Variants in SCNN1B observed in about 807,000 individuals in gnomAD.
The protein encoded by SCNN1B is epithelial sodium channel subunit beta.
Under a neutral mutation model 65.3 loss-of-function variants are expected in SCNN1B, and 46 were observed. The observed-to-expected ratio is 0.70, with a 90% CI of 0.56 to 0.90. The LOEUF (loss-of-function observed/expected upper bound fraction) is 0.90. Ranked by LOEUF, SCNN1B falls within the 40% of genes least tolerant of loss-of-function variation. SCNN1B has a pLI of 0.00. For missense variants in SCNN1B, 751 were observed against 830.5 expected, an observed-to-expected ratio of 0.90 and a Z score of 1.18; for synonymous variants, 349 against 330.6, an observed-to-expected ratio of 1.06 and a Z score of -0.60.
intron 1 of SCNN1B, among the ~76,000 whole-genome samples, chr16:23,331,068 A>G (rs1382538313): frequency 6.6e-6 from 1 of 152,162 alleles, no homozygotes; most frequent in Non-Finnish European, 1.5e-5. Context: ...TTCATCTTCC[A>G]TCTCAGGACC....
At chr16:23,349,593 C>T (rs963221020) in intron 2 of SCNN1B, among the ~76,000 whole-genome samples, 8 of 152,112 alleles carry the variant, frequency 5.3e-5, no homozygotes, top group Admixed American at 5.2e-4. Flanking sequence ...GAACCTTGGG[C>T]ACCCTCTGTC....
intron 8 of SCNN1B, among the ~76,000 whole-genome samples, chr16:23,376,357 TG>T (rs1962895393): frequency 6.6e-6 from 1 of 151,936 alleles, no homozygotes; most frequent in Non-Finnish European, 1.5e-5. Flanking sequence ...TGTGTGTGTG[TG>T]TGTGTGTGTG....
chr16:23,344,723 G>A (rs940172888), intron 1 of SCNN1B, among the ~76,000 whole-genome samples: 5 of 152,188 alleles, frequency 3.3e-5, no homozygotes, highest in African/African-American at 1.2e-4. Flanking sequence ...GTGGGGTGCA[G>A]TGGCTCACAC....
intron 1 of SCNN1B, among the ~76,000 whole-genome samples, chr16:23,330,173 C>G (rs7186870): frequency 0.07 from 10,608 of 152,228 alleles, 1,244 homozygotes; most frequent in African/African-American, 0.24. Context: ...GGAAAAGTCA[C>G]TTCTTTGTGT....
chr16:23,317,593 C>T (rs534933700), intron 1 of SCNN1B, among the ~76,000 whole-genome samples: 3 of 152,300 alleles, frequency 2.0e-5, no homozygotes, highest in Non-Finnish European at 2.9e-5. Context: ...GATCCTTTTC[C>T]AGGCTGCACG....
chr16:23,287,680 G>C (rs977406310), intron 2 of SCNN1B, among the ~76,000 whole-genome samples: 1 of 152,134 alleles, frequency 6.6e-6, no homozygotes, highest in East Asian at 1.9e-4. Context: ...GGAGGTTGAG[G>C]CTCCAGTGAG....
intron 1 of SCNN1B, among the ~76,000 whole-genome samples, chr16:23,332,125 C>A (rs949579740): frequency 6.6e-6 from 1 of 152,202 alleles, no homozygotes; most frequent in African/African-American, 2.4e-5. Context: ...ACCTCCTGGG[C>A]TCAAATGATT....
upstream of SCNN1B, among the ~76,000 whole-genome samples, chr16:23,298,462 A>T (rs1961027975): frequency 6.6e-6 from 1 of 152,180 alleles, no homozygotes; most frequent in Non-Finnish European, 1.5e-5. Context: ...GGGGCAGGTT[A>T]TTCAGAGATA....
In SCNN1B at chr16:23,367,943, C is replaced by G. The variant is rs781285644; in HGVS notation, c.864C>G (p.Asn288Lys). Residue 288 changes from asparagine to lysine, a missense_variant, in exon 5 of 13, where the codon AAC (asparagine) becomes AAG (lysine). Transcript: ENST00000343070. ...CAGAGAAGGCACTTCCTTCGGCCAACCCTGGAACTGAATTCGGTGAGTTTT... is the reference window on the plus strand; with the variant it reads ...CAGAGAAGGCACTTCCTTCGGCCAAGCCTGGAACTGAATTCGGTGAGTTTT... Reference protein sequence around the residue: ...GMTEKALPSANPGTEFGLKLI... With the variant: ...GMTEKALPSAKPGTEFGLKLI... 1.1e-5 allele frequency: 17 copies of G among 1,613,754 alleles called. No homozygotes were observed. The highest frequency in any genetic ancestry group is 2.2e-5 in the South Asian group (2 of 91,076).
intron 1 of SCNN1B, among the ~76,000 whole-genome samples, chr16:23,333,370 C>T (rs781629886): frequency 7.9e-5 from 12 of 152,192 alleles, no homozygotes; most frequent in Non-Finnish European, 1.6e-4. Context: ...TGGGATTTCC[C>T]TGCCAGGGAG....
chr16:23,317,602 C>G (rs573437434), intron 1 of SCNN1B, among the ~76,000 whole-genome samples: 43 of 152,284 alleles, frequency 2.8e-4, no homozygotes, highest in African/African-American at 9.6e-4. Context: ...CCAGGCTGCA[C>G]GGAGGAGCTC....
chr16:23,309,928 G>A (rs1405973119), intron 1 of SCNN1B, among the ~76,000 whole-genome samples: 1 of 152,184 alleles, frequency 6.6e-6, no homozygotes, highest in African/African-American at 2.4e-5. Context: ...CATGTGTCAA[G>A]GCACAAGTCC....
At chr16:23,293,429 G>C (rs998226990) in intron 2 of SCNN1B, among the ~76,000 whole-genome samples, 4 of 152,098 alleles carry the variant, frequency 2.6e-5, no homozygotes, top group African/African-American at 9.7e-5. Context: ...TAACAAAAAC[G>C]AGTTTGATTC....
intron 1 of SCNN1B, among the ~76,000 whole-genome samples, chr16:23,325,565 C>A (rs1051890541): frequency 7.0e-6 from 1 of 141,970 alleles, no homozygotes; most frequent in African/African-American, 3.1e-5. Flanking sequence ...CCGTGCCCAG[C>A]CTCTTTTTTG....
chr16:23,284,315 G>T (rs532710650), intron 2 of SCNN1B, among the ~76,000 whole-genome samples: 1 of 152,198 alleles, frequency 6.6e-6, no homozygotes, highest in South Asian at 2.1e-4. Context: ...TGAGGTAGAA[G>T]AATTGCTTGA....
intron 4 of SCNN1B, chr16:23,358,645 G>C (rs929200470): frequency 1.3e-5 from 2 of 152,238 alleles, no homozygotes; most frequent in Non-Finnish European, 2.9e-5. Flanking sequence ...AGTGGCTCAT[G>C]CCTATAATCC....
chr16:23,292,757 G>A (rs1350795205), intron 2 of SCNN1B, among the ~76,000 whole-genome samples: 1 of 151,218 alleles, frequency 6.6e-6, no homozygotes, highest in Non-Finnish European at 1.5e-5. Flanking sequence ...GCCCACCTCG[G>A]CCTCCCAAAG....
chr16:23,355,283 C>T lies in SCNN1B; in HGVS notation c.586-16C>T, dbSNP rs767837729. 5.6e-6 allele frequency: 9 copies of T among 1,614,014 alleles called. No homozygotes were observed. The East Asian group carries it at 1.6e-4, about 28-fold the overall frequency. The stretch of plus-strand genomic sequence containing the variant: ...GCTCCCACGCCACCCACAAAAACCC[C>T]TCTTGGCCTCCACAGTGTAGCCTCA... On this transcript the variant is annotated splice_polypyrimidine_tract_variant and intron_variant, in intron 3 of 12. Coordinates refer to ENST00000343070, the MANE Select transcript of SCNN1B (RefSeq NM_000336.3).
At chr16:23,362,599 C>T (rs1962575010) in intron 4 of SCNN1B, among the ~76,000 whole-genome samples, 1 of 152,162 alleles carries the variant, frequency 6.6e-6, no homozygotes, top group Admixed American at 6.6e-5. Flanking sequence ...TGTAGGGAAA[C>T]ACCTGGCTCT....
Sources: gnomAD v4.1 joint callset for allele counts (sites outside exome capture counted in the v4.1 genomes callset) on GRCh38, gnomAD v4.1.1 for gene constraint, MANE v1.5 for transcripts, NCBI Gene and HGNC (gene_info 2026-07-23, HGNC 2026-07-21) for gene names.